Variants in BMPER observed in about 807,000 individuals in gnomAD.
BMPER encodes BMP-binding endothelial regulator protein.
BMPER carries 45 observed loss-of-function variants against 87.3 expected under a neutral mutation model. The ratio of observed to expected loss-of-function variants is 0.52; its 90% CI spans 0.41 to 0.66. The LOEUF is 0.66. Among genes scored for constraint, BMPER ranks in the 30% least tolerant of loss-of-function variants. The probability of loss-of-function intolerance (pLI) is 0.00; values close to 1 mark genes in which losing one functional copy is unlikely to be tolerated. For missense variants in BMPER, 784 were observed against 867.5 expected, an observed-to-expected ratio of 0.90 and a Z score of 1.21; for synonymous variants, 326 against 316.2, an observed-to-expected ratio of 1.03 and a Z score of -0.33.
At chr7:34,116,733 T>C (rs770881893) in intron 13 of BMPER, among the ~76,000 whole-genome samples, 27 of 152,216 alleles carry the variant, frequency 1.8e-4, no homozygotes, top group Non-Finnish European at 3.2e-4. Context: ...CTCACGCCTG[T>C]AATCCCAGCA....
chr7:34,147,538 T>A (rs1470120005), intron 14 of BMPER, among the ~76,000 whole-genome samples: 1 of 152,194 alleles, frequency 6.6e-6, no homozygotes, highest in Non-Finnish European at 1.5e-5. Flanking sequence ...TGGCGTGATC[T>A]CGGCTCACTA....
At chr7:34,130,437 G>C (rs1790554411) in intron 13 of BMPER, among the ~76,000 whole-genome samples, 1 of 152,166 alleles carries the variant, frequency 6.6e-6, no homozygotes, top group Non-Finnish European at 1.5e-5. Context: ...GTTAGTAGTA[G>C]TTAAATCCAT....
intron 13 of BMPER, among the ~76,000 whole-genome samples, chr7:34,138,828 C>T (rs984206582): frequency 2.0e-5 from 3 of 152,140 alleles, no homozygotes; most frequent in Admixed American, 6.5e-5. Flanking sequence ...ACCAACTCAC[C>T]ATCAAACAGA....
At chr7:34,144,714 T>C (rs923876259) in intron 14 of BMPER, among the ~76,000 whole-genome samples, 2 of 152,090 alleles carry the variant, frequency 1.3e-5, no homozygotes, top group Non-Finnish European at 2.9e-5. Flanking sequence ...GTAGCTGCTG[T>C]TGTTATTTAG....
chr7:33,954,340 A>G (rs1332784130), intron 3 of BMPER, among the ~76,000 whole-genome samples: 8 of 152,246 alleles, frequency 5.3e-5, no homozygotes, highest in Admixed American at 5.2e-4. Context: ...GTCTCCTGTT[A>G]GGAAGATACA....
intron 13 of BMPER, among the ~76,000 whole-genome samples, chr7:34,094,720 G>T (rs977421018): frequency 6.6e-6 from 1 of 152,230 alleles, no homozygotes; most frequent in Admixed American, 6.5e-5. Context: ...TGTAAAAGGG[G>T]ATGCGGAGAG....
intron 12 of BMPER, among the ~76,000 whole-genome samples, chr7:34,083,137 G>A (rs765553886): frequency 6.6e-6 from 1 of 152,148 alleles, no homozygotes; most frequent in African/African-American, 2.4e-5. Flanking sequence ...CAGTGTTACC[G>A]GGGTAATTCA....
chr7:34,094,725 G>A (rs926260809), intron 13 of BMPER, among the ~76,000 whole-genome samples: 2 of 152,152 alleles, frequency 1.3e-5, no homozygotes, highest in African/African-American at 4.8e-5. Context: ...AAGGGGATGC[G>A]GAGAGGACCT....
At chr7:34,093,839 T>C (rs561397429) in intron 13 of BMPER, among the ~76,000 whole-genome samples, 1 of 152,308 alleles carries the variant, frequency 6.6e-6, no homozygotes, top group Admixed American at 6.5e-5. Context: ...CTTAGGGGAC[T>C]TCTTGATTAC....
intron 6 of BMPER, among the ~76,000 whole-genome samples, chr7:34,045,472 A>T (rs1183498328): frequency 6.6e-6 from 1 of 152,264 alleles, no homozygotes; most frequent in East Asian, 1.9e-4. Flanking sequence ...CCAGGAGGGC[A>T]GTGGATGTTG....
chr7:34,059,898 C>G (rs970519434), intron 10 of BMPER, among the ~76,000 whole-genome samples: 5 of 152,056 alleles, frequency 3.3e-5, no homozygotes, highest in South Asian at 2.1e-4. Flanking sequence ...TCTCCTCCCC[C>G]ATCCTGCAAC....
intron 13 of BMPER, among the ~76,000 whole-genome samples, chr7:34,095,737 A>G (rs1415324165): frequency 4.2e-5 from 1 of 24,078 alleles, no homozygotes; most frequent in Non-Finnish European, 9.6e-5. Flanking sequence ...CAGAACTTCC[A>G]GGCATGATTT....
intron 11 of BMPER, 102 bp from the exon 12 acceptor site, chr7:34,078,755 C>A: frequency 8.3e-7 from 1 of 1,202,706 alleles, no homozygotes; most frequent in South Asian, 1.2e-5. Flanking sequence ...TCCCTTAGTG[C>A]ATTTCTGCTA....
intron 6 of BMPER, among the ~76,000 whole-genome samples, chr7:34,022,316 G>T (rs555191183): frequency 6.6e-6 from 1 of 152,090 alleles, no homozygotes; most frequent in African/African-American, 2.4e-5. Context: ...CCCATGTTTT[G>T]CCTTCCCTCG....
chr7:34,022,430 TG>T (rs363856), intron 6 of BMPER, among the ~76,000 whole-genome samples: 17,748 of 151,820 alleles, frequency 0.12, 1,396 homozygotes, highest in African/African-American at 0.22. Context: ...TGAATCCACG[TG>T]GAAATGGAGA....
intron 6 of BMPER, among the ~76,000 whole-genome samples, chr7:34,013,388 T>A (rs1388043153): frequency 6.6e-6 from 1 of 151,872 alleles, no homozygotes; most frequent in Admixed American, 6.6e-5. Context: ...ATCAAGCTTC[T>A]ATTGTCTCTC....
chr7:34,004,115 A>G (rs1467505369), intron 6 of BMPER, among the ~76,000 whole-genome samples: 1 of 152,058 alleles, frequency 6.6e-6, no homozygotes, highest in Non-Finnish European at 1.5e-5. Flanking sequence ...TCCTTGGACT[A>G]AATAATGTCA....
chr7:33,937,265 T>A, intron 2 of BMPER, 24 bp from the exon 3 acceptor site: 1 of 1,606,442 alleles, frequency 6.2e-7, no homozygotes, highest in Non-Finnish European at 8.5e-7. Context: ...CTATTTCAAA[T>A]CTCTCGTGTC....
intron 13 of BMPER, among the ~76,000 whole-genome samples, chr7:34,125,636 AAGG>A (rs1411052494): frequency 6.6e-6 from 1 of 152,200 alleles, no homozygotes; most frequent in Non-Finnish European, 1.5e-5. Flanking sequence ...AGTGCTTCCT[AAGG>A]ATACTGTAAA....
Sources: allele counts gnomAD v4.1 joint callset (sites outside exome capture counted in the v4.1 genomes callset), GRCh38; gene constraint gnomAD v4.1.1; transcripts MANE v1.5; gene names NCBI Gene and HGNC (gene_info 2026-07-23, HGNC 2026-07-21).